The following CYP7B1 variants were observed in gnomAD, a reference collection of about 807,000 sequenced individuals.
CYP7B1 encodes cytochrome P450 family 7 subfamily B member 1.
In CYP7B1, 29 loss-of-function variants were observed where a neutral mutation model predicts 42.7. The observed-to-expected ratio is 0.68, with a 90% confidence interval of 0.51 to 0.93. The LOEUF is 0.93. CYP7B1 is among the 40% of genes least tolerant of loss of function. The pLI is 0.00. For synonymous variants in CYP7B1, 235 were observed against 218.2 expected, an observed-to-expected ratio of 1.08 and a Z score of -0.68; for missense variants, 655 against 600.5, an observed-to-expected ratio of 1.09 and a Z score of -0.95.
intron 1 of CYP7B1, among the ~76,000 whole-genome samples, chr8:64,678,912 T>G (rs909949373): frequency 1.3e-5 from 2 of 151,466 alleles, no homozygotes; most frequent in Non-Finnish European, 2.9e-5. Context: ...TGTGTGTGTA[T>G]AGAGAGATAA....
At chr8:64,695,943 C>G (rs898613578) in intron 1 of CYP7B1, among the ~76,000 whole-genome samples, 2 of 152,014 alleles carry the variant, frequency 1.3e-5, no homozygotes, top group Non-Finnish European at 2.9e-5. Flanking sequence ...TTTAAAAATG[C>G]AAAATGTAGA....
chr8:64,778,937 G>A (rs576714161), intron 1 of CYP7B1, among the ~76,000 whole-genome samples: 2 of 152,092 alleles, frequency 1.3e-5, no homozygotes, highest in Admixed American at 6.6e-5. Flanking sequence ...AATGTTGACC[G>A]TCAAGTGTGG....
chr8:64,680,957 T>C (rs1806527302), intron 1 of CYP7B1, among the ~76,000 whole-genome samples: 2 of 152,166 alleles, frequency 1.3e-5, no homozygotes, highest in Non-Finnish European at 2.9e-5. Context: ...AAAATTACTT[T>C]CCTTGTTTAC....
At chr8:64,612,441 A>G (rs978528911) in intron 4 of CYP7B1, among the ~76,000 whole-genome samples, 1 of 152,152 alleles carries the variant, frequency 6.6e-6, no homozygotes, top group Non-Finnish European at 1.5e-5. Context: ...TATAAAATAT[A>G]TAGTTGTGTT....
chr8:64,612,853 T>G (rs1238031068), intron 4 of CYP7B1, among the ~76,000 whole-genome samples: 2 of 152,120 alleles, frequency 1.3e-5, no homozygotes, highest in Non-Finnish European at 2.9e-5. Flanking sequence ...ACGTGGCACA[T>G]GGTAAATATT....
intron 1 of CYP7B1, among the ~76,000 whole-genome samples, chr8:64,685,703 G>A (rs201560980): frequency 7.2e-5 from 3 of 41,822 alleles, no homozygotes; most frequent in African/African-American, 1.9e-4. Context: ...GAGCCTCTCC[G>A]CCCGGCAGCC....
chr8:64,606,930 G>GAAGAATGA (rs1805291976), intron 4 of CYP7B1, among the ~76,000 whole-genome samples: 1 of 152,170 alleles, frequency 6.6e-6, no homozygotes, highest in Non-Finnish European at 1.5e-5. Context: ...TATACGTTGA[G>GAAGAATGA]AAGAATGACA....
chr8:64,606,253 G>C (rs1187420558), intron 4 of CYP7B1, among the ~76,000 whole-genome samples: 1 of 152,176 alleles, frequency 6.6e-6, no homozygotes, highest in Non-Finnish European at 1.5e-5. Context: ...TTGGAACATG[G>C]GCTCTACTGC....
intron 1 of CYP7B1, among the ~76,000 whole-genome samples, chr8:64,627,328 C>A (rs985985242): frequency 1.3e-5 from 2 of 152,160 alleles, no homozygotes; most frequent in Non-Finnish European, 2.9e-5. Context: ...GAGGAGACCA[C>A]GCATGTAACT....
At chr8:64,761,945 G>A (rs1265068219) in intron 1 of CYP7B1, among the ~76,000 whole-genome samples, 2 of 152,182 alleles carry the variant, frequency 1.3e-5, no homozygotes, top group Non-Finnish European at 2.9e-5. Context: ...ATATTCCATG[G>A]TGAGTAGAAA....
At chr8:64,599,788 C>A (rs942863929) in intron 5 of CYP7B1, among the ~76,000 whole-genome samples, 1 of 152,074 alleles carries the variant, frequency 6.6e-6, no homozygotes, top group African/African-American at 2.4e-5. Flanking sequence ...AGGAGAAGTC[C>A]CCTTTCTGTG....
At chr8:64,723,097 ACTT>A (rs1412533070) in intron 1 of CYP7B1, among the ~76,000 whole-genome samples, 1 of 152,200 alleles carries the variant, frequency 6.6e-6, no homozygotes, top group East Asian at 1.9e-4. Flanking sequence ...ATAAATGTCT[ACTT>A]CTTTCTAAAA....
At chr8:64,695,938 A>C (rs1202228529) in intron 1 of CYP7B1, among the ~76,000 whole-genome samples, 1 of 152,214 alleles carries the variant, frequency 6.6e-6, no homozygotes, top group African/African-American at 2.4e-5. Flanking sequence ...ATAAATTTAA[A>C]AATGCAAAAT....
At chr8:64,626,771 AAC>A (rs1228613747) in intron 1 of CYP7B1, among the ~76,000 whole-genome samples, 1 of 152,248 alleles carries the variant, frequency 6.6e-6, no homozygotes, top group Non-Finnish European at 1.5e-5. Flanking sequence ...AAAGGATTAA[AAC>A]AGATATTTAA....
intron 1 of CYP7B1, among the ~76,000 whole-genome samples, chr8:64,705,341 T>C (rs965533856): frequency 1.3e-5 from 2 of 151,988 alleles, no homozygotes; most frequent in Non-Finnish European, 2.9e-5. Flanking sequence ...TGTCAGAAAA[T>C]TGCTATTGCA....
intron 1 of CYP7B1, among the ~76,000 whole-genome samples, chr8:64,696,482 G>A (rs1355275688): frequency 6.6e-6 from 1 of 152,106 alleles, no homozygotes; most frequent in African/African-American, 2.4e-5. Context: ...ACCATCTTTT[G>A]CAGATGAAAA....
chr8:64,623,970 T>C (rs766825586), intron 2 of CYP7B1, among the ~76,000 whole-genome samples: 1 of 152,100 alleles, frequency 6.6e-6, no homozygotes, highest in Admixed American at 6.6e-5. Context: ...ATATACTACA[T>C]AGATACAATC....
chr8:64,611,526 C>T (rs1408966084), intron 4 of CYP7B1, among the ~76,000 whole-genome samples: 2 of 152,206 alleles, frequency 1.3e-5, no homozygotes, highest in East Asian at 1.9e-4. Context: ...TACTCACAAT[C>T]GGCTTCAAAA....
intron 1 of CYP7B1, among the ~76,000 whole-genome samples, chr8:64,657,122 G>C (rs1263252674): frequency 2.0e-4 from 1 of 5,070 alleles, no homozygotes; most frequent in Non-Finnish European, 5.2e-4. Flanking sequence ...CTCAGATCAA[G>C]CTCCTCAGAT....
Sources: allele counts gnomAD v4.1 joint callset (sites outside exome capture counted in the v4.1 genomes callset), GRCh38; gene constraint gnomAD v4.1.1; transcripts MANE v1.5; gene names NCBI Gene and HGNC (gene_info 2026-07-23, HGNC 2026-07-21).